Variants in ZNF630 observed in about 807,000 individuals in gnomAD.
ZNF630 encodes the protein dJ54B20.2 (novel KRAB box containing C2H2 type zinc finger protein).
Under a neutral mutation model 7.2 loss-of-function variants are expected in ZNF630, and 5 were observed. The ratio of observed to expected loss-of-function variants is 0.70; its 90% CI spans 0.36 to 1.46. The LOEUF (loss-of-function observed/expected upper bound fraction) is 1.46, where lower values mean the gene tolerates loss of function less well. ZNF630 is among the 40% of genes most tolerant of loss of function. The pLI is 0.03. For missense variants in ZNF630, 461 were observed against 477.0 expected, an observed-to-expected ratio of 0.97 and a Z score of 0.31; for synonymous variants, 158 against 162.8, an observed-to-expected ratio of 0.97 and a Z score of 0.23.
At chrX:48,071,064 C>A (rs1301256849) in intron 1 of ZNF630, 1 of 109,955 alleles carries the variant, frequency 9.1e-6, no homozygotes. Flanking sequence ...CCATCACTCA[C>A]CCTTACAGAC....
At chrX:48,061,381 G>A (rs2059104933) in intron 2 of ZNF630, among the ~76,000 whole-genome samples, 1 of 111,211 alleles carries the variant, frequency 9.0e-6, no homozygotes, top group African/African-American at 3.3e-5. Flanking sequence ...TGCCACAAAT[G>A]AAAACACTGA....
At chrX:48,062,003 A>G (rs1556909260) in intron 2 of ZNF630, among the ~76,000 whole-genome samples, 1 of 112,017 alleles carries the variant, frequency 8.9e-6, no homozygotes, top group Non-Finnish European at 1.9e-5. Context: ...AAGATGCTCA[A>G]CTTCACTCAC....
rs782615775 is a variant in ZNF630 at position 48,059,044 on chromosome X, C to T, written c.1398G>A (p.Lys466=). The change falls in exon 5 of 5, where the codon AAG becomes AAA. Residue 466 remains lysine (K), a synonymous_variant. Transcript: ENST00000276054. ...TGAGGTGTGACTTCTGGGAAAAGGC[C>T]TTCCCACAGTCAGTACACACATAAG... The part of the protein sequence containing the change: ...EKPYVCTDCG[K]AFSQKSHLTG... The T allele has an allele frequency of 2.5e-6, 3 of 1,207,234 alleles. No individual in the cohort carries two copies. In the South Asian group the frequency reaches 5.3e-5, roughly 21 times the overall value.
At position 48,066,910 on chromosome X, in the gene ZNF630, G is replaced by GT; in HGVS notation, c.-25dup. 1 of 1,206,386 alleles carries GT rather than the reference G, an allele frequency of 8.3e-7. No individual in the cohort carries two copies. The highest frequency in any genetic ancestry group is 2.2e-5 in the Admixed American group (1 of 45,780). On this transcript the variant is annotated 5_prime_UTR_variant, in exon 2 of 5. Coordinates refer to ENST00000276054, the MANE Select transcript of ZNF630 (RefSeq NM_001282201.2). ...ATTTTCTGTTTCTCTTTGGAAAGCA[G>GT]TTGGGGGCGGGGTGGGGTGCAGAAG...
At chrX:48,068,376 A>G (rs1276966406) in intron 1 of ZNF630, among the ~76,000 whole-genome samples, 1 of 110,671 alleles carries the variant, frequency 9.0e-6, no homozygotes, top group East Asian at 2.9e-4. Flanking sequence ...TTTTCTGTAA[A>G]AGGGTCATAT....
rs1029688929 is a variant in ZNF630 at position 48,057,919 on chromosome X, G to T, written c.*549C>A. 9.1e-6 allele frequency among the ~76,000 whole-genome samples: 1 copy of T among 109,820 alleles called. No homozygotes were observed. The highest frequency in any genetic ancestry group is 3.9e-4 in the South Asian group (1 of 2,546). ...AAAAATACAAAAATTAGCCGGGCCT[G>T]GTGGTGCATGCCTATAATCCCAGCT... On this transcript the variant is annotated 3_prime_UTR_variant, in exon 5 of 5. Transcript: ENST00000276054.
rs782418844 is a variant in ZNF630, at chrX:48,070,589, G to A, written c.-176+678C>T. ...GATTTCTCCACTGCACTCCAGCCTG[G>A]GCGACAGAGTGAGACTTCGTCTAAA... On this transcript the variant is annotated intron_variant, in intron 1 of 4. Coordinates refer to ENST00000276054, the MANE Select transcript of ZNF630 (RefSeq NM_001282201.2). Among the ~76,000 whole-genome samples, 9 of 96,888 alleles carry A rather than the reference G, an allele frequency of 9.3e-5. No individual in the cohort carries two copies. The South Asian group carries it at 3.3e-3, about 36-fold the overall frequency. 84.1% of individuals were successfully genotyped at this position (96,888 alleles called of 115,157 possible). A position where few individuals can be genotyped will look rare whatever the true frequency, so the allele number is the denominator to read the frequency against.
rs782452501 is a variant in ZNF630, at chrX:48,058,982, T to C, written c.1460A>G (p.Tyr487Cys). ...GGATTTTCCACATTCAGTACACATA[T>C]AAGGTTTCTCTCCAGTATGAAGTCT... is the stretch of plus-strand genomic sequence containing the variant. ...HQRLHTGEKP[Y>C]MCTECGKSFS... Residue 487 changes from tyrosine to cysteine, a missense_variant, in exon 5 of 5, where the codon TAT becomes TGT. Physicochemically the swap from Tyr to Cys is radical, Grantham distance 194 (BLOSUM62 -2). Transcript: ENST00000276054. 10 of 1,208,234 alleles carry C rather than the reference T, an allele frequency of 8.3e-6. No individual in the cohort carries two copies. The highest frequency in any genetic ancestry group is 1.7e-5 in the African/African-American group (1 of 57,239).
In ZNF630 at chrX:48,058,371, G is replaced by T; in HGVS notation, c.*97C>A. 1.2e-6 allele frequency: 1 copy of T among 847,212 alleles called. No individual in the cohort carries two copies. The highest frequency in any genetic ancestry group is 1.6e-6 in the Non-Finnish European group (1 of 615,402). The allele number at this position is 847,212 out of a possible 1,213,427, so 69.8% of individuals were successfully genotyped here. On this transcript the variant is annotated 3_prime_UTR_variant, in exon 5 of 5. Transcript: ENST00000276054. ...ATCATGTATACTGAGGAACATATTA[G>T]TCTATTCTACAGTTGAGAAGTTGTC...
At chrX:48,068,176 A>C (rs1240348400) in intron 1 of ZNF630, among the ~76,000 whole-genome samples, 17 of 90,025 alleles carry the variant, frequency 1.9e-4, no homozygotes, top group Admixed American at 5.3e-4. Context: ...AGAAGGAAGG[A>C]AGGAAGGAAG....
At position 48,059,648 on chromosome X, in the gene ZNF630, C is replaced by T; in HGVS notation, c.794G>A (p.Cys265Tyr). ...GATAAAGGCTTTCCCACACATACTA[C>T]AAACATTGGGTTTCTCTCTGGCTTG... ...KFQAREKPNV[C>Y]SMCGKAFIKK... Residue 265 changes from cysteine to tyrosine, a missense_variant, in exon 5 of 5, where the codon TGT becomes TAT. Cys to Tyr is a radical substitution (Grantham distance 194). Coordinates refer to ENST00000276054, the MANE Select transcript of ZNF630 (RefSeq NM_001282201.2). The T allele has an allele frequency of 8.3e-7, 1 of 1,208,800 alleles. No individual in the cohort carries two copies. Among genetic ancestry groups the T allele is most frequent in the Non-Finnish European group, 1.1e-6 (1 of 893,339 alleles).
At chrX:48,068,754 A>C (rs1556910548) in intron 1 of ZNF630, among the ~76,000 whole-genome samples, 1 of 111,250 alleles carries the variant, frequency 9.0e-6, no homozygotes, top group African/African-American at 3.3e-5. Context: ...GGTGGTGGGC[A>C]TAATGGGGTT....
At chrX:48,066,731 A>T (rs1377368232) in intron 2 of ZNF630, 141 bp downstream of exon 2, 6 of 746,748 alleles carry the variant, frequency 8.0e-6, no homozygotes, top group Non-Finnish European at 2.0e-6. Context: ...CTATGAAGTA[A>T]GGCCAGGTGA....
intron 2 of ZNF630, among the ~76,000 whole-genome samples, chrX:48,062,781 C>G (rs142127255): frequency 0.015 from 1,619 of 109,849 alleles, 30 homozygotes; most frequent in African/African-American, 0.052. Flanking sequence ...AACCCTGTCT[C>G]TACAAAAAAT....
intron 1 of ZNF630, among the ~76,000 whole-genome samples, 177 bp from the exon 2 acceptor site, chrX:48,067,238 C>T (rs1011138433): frequency 5.4e-5 from 6 of 112,002 alleles, no homozygotes; most frequent in Non-Finnish European, 7.5e-5. Context: ...TCAGGAAACA[C>T]CACCAGCAAA....
chrX:48,065,222 C>G (rs2059124377), intron 2 of ZNF630, among the ~76,000 whole-genome samples: 1 of 111,108 alleles, frequency 9.0e-6, no homozygotes, highest in Non-Finnish European at 1.9e-5. Flanking sequence ...AGGAAATAGG[C>G]CGGGCGCAGT....
intron 2 of ZNF630, among the ~76,000 whole-genome samples, chrX:48,062,700 C>T (rs2059111047): frequency 9.0e-6 from 1 of 111,335 alleles, no homozygotes; most frequent in African/African-American, 3.3e-5. Context: ...TGCCACTGCA[C>T]TCAAGCCTGG....
At position 48,057,695 on chromosome X, in the gene ZNF630, A is replaced by G. The variant is rs1556908010; in HGVS notation, c.*773T>C. Among the ~76,000 whole-genome samples the G allele has an allele frequency of 9.0e-6, 1 of 111,290 alleles. No homozygotes were observed. The highest frequency in any genetic ancestry group is 3.3e-5 in the African/African-American group (1 of 30,471). On this transcript the variant is annotated 3_prime_UTR_variant, in exon 5 of 5. Transcript: ENST00000276054. ...ATTAAGAACCTTGAGGAAATACATGATTTTTAAAAATTACAAAGAGTCCAT... is the reference window on the plus strand; with the variant it reads ...ATTAAGAACCTTGAGGAAATACATGGTTTTTAAAAATTACAAAGAGTCCAT...
Position 48,067,036 on chromosome X carries a change from G to A in ZNF630, c.-150C>T, listed in dbSNP as rs941731050. 38 of 623,108 alleles carry A rather than the reference G, an allele frequency of 6.1e-5. No homozygotes were observed. Among genetic ancestry groups the A allele is most frequent in the Non-Finnish European group, 8.8e-5 (35 of 398,468 alleles). 51.4% of individuals were successfully genotyped at this position (623,108 alleles called of 1,213,427 possible). On this transcript the variant is annotated 5_prime_UTR_variant, in exon 2 of 5. Coordinates refer to ENST00000276054, the MANE Select transcript of ZNF630 (RefSeq NM_001282201.2). ...ATGACTTGTGTTTCTCATCTGACTC[G>A]GTAATTCCATTTCCGGAACTTCGTC...
Sources: gnomAD v4.1 joint callset for allele counts (sites outside exome capture counted in the v4.1 genomes callset) on GRCh38, gnomAD v4.1.1 for gene constraint, MANE v1.5 for transcripts, NCBI Gene and HGNC (gene_info 2026-07-23, HGNC 2026-07-21) for gene names.